SPAG16: variants seen among roughly 807,000 people sequenced by gnomAD.
SPAG16 encodes sperm-associated antigen 16 protein.
SPAG16 carries 86 observed loss-of-function variants against 80.4 expected under a neutral mutation model. That is an observed-to-expected ratio of 1.07 (90% CI 0.90 to 1.28). The LOEUF is 1.28. Ranked by LOEUF, SPAG16 falls within the 50% of genes most tolerant of loss-of-function variation. The pLI is 0.00. For synonymous variants in SPAG16, 294 were observed against 265.9 expected (o/e 1.11, Z -1.03); for missense variants, 870 against 765.3 (o/e 1.14, Z -1.61).
chr2:214,157,173 T>A (rs571988097), intron 15 of SPAG16, among the ~76,000 whole-genome samples: 15 of 152,304 alleles, frequency 9.8e-5, no homozygotes, highest in Non-Finnish European at 2.2e-4. Flanking sequence ...ATACCTGGAA[T>A]GAGGTATGCT....
At chr2:213,831,038 T>C (rs1292229675) in intron 10 of SPAG16, among the ~76,000 whole-genome samples, 1 of 137,964 alleles carries the variant, frequency 7.2e-6, no homozygotes, top group Middle Eastern at 3.2e-3. Flanking sequence ...ACATGACTTT[T>C]TTTTTTTTTT....
rs77958325 is a variant in SPAG16, at chr2:213,317,221, A to T, written c.401A>T (p.Tyr134Phe). 2 of 1,570,550 alleles carry T rather than the reference A, an allele frequency of 1.3e-6. No individual in the cohort carries two copies. The highest frequency in any genetic ancestry group is 4.5e-5 in the East Asian group (2 of 44,518). The change falls in exon 5 of 16, where the codon TAT (tyrosine) becomes TTT (phenylalanine). Residue 134 changes from tyrosine (Y) to phenylalanine (F), a missense_variant and splice_region_variant. Physicochemically the swap from Tyr to Phe is conservative, Grantham distance 22 (BLOSUM62 3). Transcript: ENST00000331683. Reference sequence around the variant, plus strand: ...CCTTTTGTTTGATTTTATCCTAGGTATGAGTTAATACAGAAAGGAGTGACT... The same window carrying T: ...CCTTTTGTTTGATTTTATCCTAGGTTTGAGTTAATACAGAAAGGAGTGACT... Reference protein sequence around the residue: ...RTLDCFQSEWYELIQKGVTEL... With the variant: ...RTLDCFQSEWFELIQKGVTEL...
intron 12 of SPAG16, among the ~76,000 whole-genome samples, chr2:213,967,001 T>A (rs1361079239): frequency 6.6e-6 from 1 of 152,210 alleles, no homozygotes; most frequent in Non-Finnish European, 1.5e-5. Flanking sequence ...AGAGATTCAG[T>A]CAGCTCACCT....
At chr2:213,377,642 A>G (rs2066943439) in intron 9 of SPAG16, among the ~76,000 whole-genome samples, 1 of 150,828 alleles carries the variant, frequency 6.6e-6, no homozygotes, top group Admixed American at 6.6e-5. Context: ...TTTTCCTCTT[A>G]CTTTTTCCCT....
chr2:214,292,446 T>C (rs755381130), intron 15 of SPAG16, among the ~76,000 whole-genome samples: 1 of 152,182 alleles, frequency 6.6e-6, no homozygotes, highest in South Asian at 2.1e-4. Flanking sequence ...TTGTTTATTA[T>C]TGAAGCTTTC....
intron 10 of SPAG16, among the ~76,000 whole-genome samples, chr2:213,584,251 T>G (rs1351138676): frequency 2.6e-5 from 4 of 151,726 alleles, no homozygotes; most frequent in Non-Finnish European, 4.4e-5. Context: ...AAATGTACTC[T>G]TATCGTTTTT....
chr2:213,839,686 T>C (rs771201795), intron 10 of SPAG16, among the ~76,000 whole-genome samples: 13 of 152,228 alleles, frequency 8.5e-5, no homozygotes, highest in Non-Finnish European at 1.3e-4. Context: ...AATGTGACAT[T>C]ATTGTTGTAC....
intron 11 of SPAG16, among the ~76,000 whole-genome samples, chr2:213,892,496 T>C (rs2076821239): frequency 6.6e-6 from 1 of 152,110 alleles, no homozygotes; most frequent in African/African-American, 2.4e-5. Context: ...GAGATGGCAA[T>C]ATGTGAGCTC....
chr2:213,725,803 A>G (rs1349990780), intron 10 of SPAG16, among the ~76,000 whole-genome samples: 2 of 152,182 alleles, frequency 1.3e-5, no homozygotes, highest in East Asian at 3.9e-4. Context: ...GTGTTTTCCA[A>G]CAGCAACCTA....
chr2:213,977,752 C>T (rs1447891818), intron 12 of SPAG16, among the ~76,000 whole-genome samples: 1 of 151,986 alleles, frequency 6.6e-6, no homozygotes, highest in Admixed American at 6.6e-5. Context: ...ATTTAAGGGT[C>T]CAAGGACCTC....
chr2:214,210,299 T>C (rs1251604542), intron 15 of SPAG16, among the ~76,000 whole-genome samples: 1 of 152,160 alleles, frequency 6.6e-6, no homozygotes, highest in Non-Finnish European at 1.5e-5. Flanking sequence ...TCAATAAGTT[T>C]ACTGAAAATT....
intron 10 of SPAG16, among the ~76,000 whole-genome samples, chr2:213,637,591 A>T (rs1260968905): frequency 6.6e-6 from 1 of 152,016 alleles, no homozygotes; most frequent in African/African-American, 2.4e-5. Context: ...TGTTGTTGGC[A>T]ATTTTTTAAT....
intron 9 of SPAG16, among the ~76,000 whole-genome samples, chr2:213,401,211 C>T (rs2125337331): frequency 6.6e-6 from 1 of 152,340 alleles, no homozygotes; most frequent in East Asian, 1.9e-4. Flanking sequence ...TATATGCTTG[C>T]ACATTTAGGT....
At chr2:213,781,606 G>A (rs1017195455) in intron 10 of SPAG16, among the ~76,000 whole-genome samples, 1 of 151,986 alleles carries the variant, frequency 6.6e-6, no homozygotes, top group Non-Finnish European at 1.5e-5. Flanking sequence ...AAATTCAAAC[G>A]GAAAGCGGTA....
chr2:214,229,659 AT>A (rs1688553986), intron 15 of SPAG16, among the ~76,000 whole-genome samples: 1 of 151,798 alleles, frequency 6.6e-6, no homozygotes. Context: ...AATTTGGAAG[AT>A]TAAAAACAAA....
At chr2:213,858,921 CT>C (rs1231289609) in intron 10 of SPAG16, among the ~76,000 whole-genome samples, 1 of 151,856 alleles carries the variant, frequency 6.6e-6, no homozygotes, top group Non-Finnish European at 1.5e-5. Flanking sequence ...TGGCTCACGC[CT>C]GTAATCCCAG....
chr2:214,112,525 T>C (rs562906693), intron 14 of SPAG16, among the ~76,000 whole-genome samples: 4 of 152,314 alleles, frequency 2.6e-5, no homozygotes, highest in African/African-American at 9.6e-5. Context: ...TTTAGGATAG[T>C]TAGCTCTTCT....
At chr2:213,774,625 C>G (rs1312692537) in intron 10 of SPAG16, among the ~76,000 whole-genome samples, 1 of 152,136 alleles carries the variant, frequency 6.6e-6, no homozygotes, top group African/African-American at 2.4e-5. Context: ...AATTCAGTTC[C>G]TAAAAGAGTT....
intron 14 of SPAG16, among the ~76,000 whole-genome samples, chr2:214,116,212 G>C (rs2053927326): frequency 2.0e-5 from 3 of 152,200 alleles, no homozygotes; most frequent in Admixed American, 6.5e-5. Flanking sequence ...GAAGAGACTT[G>C]TCTGCTCAAT....
Sources: gnomAD v4.1 joint callset for allele counts (sites outside exome capture counted in the v4.1 genomes callset) on GRCh38, gnomAD v4.1.1 for gene constraint, MANE v1.5 for transcripts, NCBI Gene and HGNC (gene_info 2026-07-23, HGNC 2026-07-21) for gene names.